Variants in LRRC27 observed in about 807,000 individuals in gnomAD.
The protein encoded by LRRC27 is leucine rich repeat containing 27.
LRRC27 carries 57 observed loss-of-function variants against 55.0 expected under a neutral mutation model. The ratio of observed to expected loss-of-function variants is 1.04; its 90% CI spans 0.84 to 1.29. LRRC27 has a LOEUF of 1.29. Ranked by LOEUF, LRRC27 falls within the 50% of genes most tolerant of loss-of-function variation. The pLI, the probability that LRRC27 is intolerant of heterozygous loss-of-function variation, is 0.00. For missense variants in LRRC27, 721 were observed against 651.5 expected, an observed-to-expected ratio of 1.11 and a Z score of -1.16; for synonymous variants, 278 against 251.9, an observed-to-expected ratio of 1.10 and a Z score of -0.98.
chr10:132,335,368 G>T (rs1294419582), intron 2 of LRRC27: 1 of 152,126 alleles, frequency 6.6e-6, no homozygotes, highest in Non-Finnish European at 1.5e-5. Context: ...ATCCTCATAG[G>T]CTGAGTACTA....
At position 132,337,614 on chromosome 10, in the gene LRRC27, T is replaced by C; in HGVS notation, c.260T>C (p.Phe87Ser). ...NALCVIPQDFFQLLPNLTWLD... is the reference protein window; with the variant it reads ...NALCVIPQDFSQLLPNLTWLD... ...CTGTGTGTGATTCCTCAAGATTTCT[T>C]TCAGTTGCTTCCGAACCTGACTTGG... The change falls in exon 3 of 11, where the codon TTT becomes TCT. Residue 87 changes from phenylalanine to serine, a missense_variant. Coordinates refer to ENST00000368614, the MANE Select transcript of LRRC27 (RefSeq NM_030626.3). 1 of 1,614,206 alleles carries C rather than the reference T, an allele frequency of 6.2e-7. No individual in the cohort carries two copies. The highest frequency in any genetic ancestry group is 8.5e-7 in the Non-Finnish European group (1 of 1,180,014).
rs1238971770 is a variant in LRRC27 at position 132,364,721 on chromosome 10, C to T, written c.1290-703C>T. Among the ~76,000 whole-genome samples the T allele has an allele frequency of 2.3e-3, 10 of 4,280 alleles. 3 individuals are homozygous for T. The South Asian group carries it at 0.03, about 13-fold the overall frequency. 2.8% of individuals were successfully genotyped at this position (4,280 alleles called of 152,430 possible). A position where few individuals can be genotyped will look rare whatever the true frequency, so the allele number is the denominator to read the frequency against. ...CGTGGGGCCCCACACTCATGCAGTC[C>T]GCGTCCACACTTACATCTACCTCCA... On this transcript the variant is annotated intron_variant, in intron 9 of 10. Coordinates refer to ENST00000368614, the MANE Select transcript of LRRC27 (RefSeq NM_030626.3).
intron 9 of LRRC27, among the ~76,000 whole-genome samples, chr10:132,362,073 C>T (rs929955452): frequency 9.2e-5 from 14 of 152,336 alleles, no homozygotes; most frequent in Middle Eastern, 3.4e-3. Flanking sequence ...CGAGGCCAGG[C>T]GTTGACCCAG....
At chr10:132,353,996 T>TC (rs2132976313) in intron 7 of LRRC27, among the ~76,000 whole-genome samples, 1 of 152,312 alleles carries the variant, frequency 6.6e-6, no homozygotes, top group African/African-American at 2.4e-5. Flanking sequence ...CCCCCTTGAC[T>TC]CCTCAGGTAT....
rs111794597 is a variant in LRRC27, at chr10:132,333,292, T to C, written c.-48-185T>C. Among the ~76,000 whole-genome samples, 421 of 150,452 alleles carry C rather than the reference T, an allele frequency of 2.8e-3. 2 individuals are homozygous for C. Among genetic ancestry groups the C allele is most frequent in the African/African-American group, 9.8e-3 (398 of 40,780 alleles). ...TGTACAAAGTGAGAGCAGAGAATTT[T>C]AATCTGAACCTCTTTGTATTCCTTT... On this transcript the variant is annotated intron_variant, in intron 1 of 10. Transcript: ENST00000368614.
In LRRC27 at chr10:132,355,775, C is replaced by G; in HGVS notation, c.1074-15C>G. 3 of 1,537,222 alleles carry G rather than the reference C, an allele frequency of 2.0e-6. No individual in the cohort carries two copies. Among genetic ancestry groups the G allele is most frequent in the Non-Finnish European group, 2.6e-6 (3 of 1,134,120 alleles). On this transcript the variant is annotated splice_polypyrimidine_tract_variant and intron_variant, in intron 7 of 10. Coordinates refer to ENST00000368614, the MANE Select transcript of LRRC27 (RefSeq NM_030626.3). ...GCTGCCTGTAACTTATGACATTAAC[C>G]TTCCCTTTCTCCAGAGAGAAAAGGG...
intron 3 of LRRC27, among the ~76,000 whole-genome samples, chr10:132,339,343 G>A (rs1444020924): frequency 6.6e-6 from 1 of 152,214 alleles, no homozygotes; most frequent in African/African-American, 2.4e-5. Flanking sequence ...TTTGCCACAG[G>A]TAATGGGAGG....
chr10:132,359,760 C>T (rs1341972944), intron 8 of LRRC27, among the ~76,000 whole-genome samples: 1 of 152,262 alleles, frequency 6.6e-6, no homozygotes, highest in East Asian at 1.9e-4. Flanking sequence ...TTGTAAAATG[C>T]ACTGCACTTC....
At chr10:132,340,125 G>A (rs946549911) in intron 3 of LRRC27, among the ~76,000 whole-genome samples, 22 of 152,142 alleles carry the variant, frequency 1.4e-4, no homozygotes, top group African/African-American at 1.7e-4. Context: ...GCATGGATCC[G>A]TTCATTTACC....
intron 9 of LRRC27, among the ~76,000 whole-genome samples, chr10:132,362,826 C>A (rs1466001547): frequency 6.8e-6 from 1 of 147,442 alleles, no homozygotes; most frequent in Non-Finnish European, 1.5e-5. Context: ...ACCCCTCTTA[C>A]CTCACAGCAG....
At chr10:132,354,838 G>T (rs1159751385) in intron 7 of LRRC27, among the ~76,000 whole-genome samples, 1 of 152,196 alleles carries the variant, frequency 6.6e-6, no homozygotes. Flanking sequence ...AGGATGGAGA[G>T]GGGGTACCAA....
At position 132,348,338 on chromosome 10, in the gene LRRC27, A is replaced by C. The variant is rs1298119944; in HGVS notation, c.908A>C (p.Lys303Thr). ...AALNIEKELP[K>T]PRHVFRRKTA... ...TTGAACATTGAGAAAGAACTACCAAAGCCAAGACACGTTTTCAGGTAAAAC... is the reference window on the plus strand; with the variant it reads ...TTGAACATTGAGAAAGAACTACCAACGCCAAGACACGTTTTCAGGTAAAAC... The change falls in exon 6 of 11, where the codon AAG (lysine) becomes ACG (threonine). Residue 303 changes from lysine (K) to threonine (T), a missense_variant. Transcript: ENST00000368614. This position sits in a 1 kb window ranked among gnomAD's most constrained non-coding sequence, Gnocchi z 4.2. The C allele has an allele frequency of 6.2e-7, 1 of 1,610,244 alleles. No individual in the cohort carries two copies. The highest frequency in any genetic ancestry group is 8.5e-7 in the Non-Finnish European group (1 of 1,177,146).
intron 9 of LRRC27, among the ~76,000 whole-genome samples, chr10:132,362,683 GC>G: frequency 2.0e-5 from 1 of 49,828 alleles, no homozygotes; most frequent in Non-Finnish European, 3.8e-5. Flanking sequence ...AGCTCGGGGG[GC>G]CAGGGTTCAT....
At chr10:132,362,291 T>C (rs1654157527) in intron 9 of LRRC27, among the ~76,000 whole-genome samples, 1 of 152,134 alleles carries the variant, frequency 6.6e-6, no homozygotes, top group Non-Finnish European at 1.5e-5. Context: ...ATCCTGGAGT[T>C]CAGGAGAGCA....
intron 2 of LRRC27, chr10:132,337,324 G>A (rs113190791): frequency 2.0e-5 from 26 of 1,314,232 alleles, no homozygotes; most frequent in South Asian, 1.1e-4. Flanking sequence ...GCAGAGTGCC[G>A]GCTCTTCAGG....
In LRRC27 at chr10:132,361,541, A is replaced by C; in HGVS notation, c.1255A>C (p.Lys419Gln). Residue 419 changes from lysine (K) to glutamine (Q), a missense_variant, in exon 9 of 11, where the codon AAA becomes CAA. By Grantham distance (53) the Lys-to-Gln change is moderately conservative (BLOSUM62 1). Coordinates refer to ENST00000368614, the MANE Select transcript of LRRC27 (RefSeq NM_030626.3). Reference protein sequence around the residue: ...LNPPGKMKPSKEKSPQASKEM... With the variant: ...LNPPGKMKPSQEKSPQASKEM... Reference sequence around the variant, plus strand: ...TCCGCCTGGAAAAATGAAACCAAGCAAAGAGAAATCGCCACAAGCAAGTAA... The same window carrying C: ...TCCGCCTGGAAAAATGAAACCAAGCCAAGAGAAATCGCCACAAGCAAGTAA... 6.2e-7 allele frequency: 1 copy of C among 1,613,836 alleles called. No individual in the cohort carries two copies. Among genetic ancestry groups the C allele is most frequent in the Non-Finnish European group, 8.5e-7 (1 of 1,179,908 alleles).
intron 7 of LRRC27, among the ~76,000 whole-genome samples, chr10:132,354,185 C>T (rs2068199163): frequency 1.3e-5 from 2 of 152,178 alleles, no homozygotes; most frequent in Non-Finnish European, 2.9e-5. Flanking sequence ...GCTCGGGCCT[C>T]GTCCCACACC....
intron 5 of LRRC27, 115 bp from the exon 6 acceptor site, chr10:132,347,869 C>A: frequency 1.6e-6 from 2 of 1,287,426 alleles, no homozygotes; most frequent in Non-Finnish European, 2.2e-6. Context: ...ACGTGGCAGC[C>A]ATGGAGGATC....
chr10:132,364,108 C>G (rs538224167), intron 9 of LRRC27, among the ~76,000 whole-genome samples: 1 of 151,980 alleles, frequency 6.6e-6, no homozygotes. Flanking sequence ...GAGTCTGAGG[C>G]GCTGACACAG....
Sources: gnomAD v4.1 joint callset for allele counts (sites outside exome capture counted in the v4.1 genomes callset) on GRCh38, gnomAD v4.1.1 for gene constraint, Gnocchi (gnomAD v3.1) non-coding constraint, MANE v1.5 for transcripts, NCBI Gene and HGNC (gene_info 2026-07-23, HGNC 2026-07-21) for gene names.